Variants in SHOC1 observed in about 807,000 individuals in gnomAD.
The protein encoded by SHOC1 is shortage in chiasmata 1, also known as protein shortage in chiasmata 1 ortholog.
SHOC1 carries 136 observed loss-of-function variants against 179.2 expected under a neutral mutation model. The ratio of observed to expected loss-of-function variants is 0.76; its 90% CI spans 0.66 to 0.87. The LOEUF (loss-of-function observed/expected upper bound fraction) is 0.87. Ranked by LOEUF, SHOC1 falls within the 40% of genes least tolerant of loss-of-function variation. The pLI is 0.00. For missense variants in SHOC1, 1,538 were observed against 1,700.8 expected (o/e 0.90, Z 1.68); for synonymous variants, 489 against 586.6 (o/e 0.83, Z 2.41).
At chr9:111,740,628 G>A (rs1204321106) in intron 11 of SHOC1, among the ~76,000 whole-genome samples, 1 of 152,158 alleles carries the variant, frequency 6.6e-6, no homozygotes, top group African/African-American at 2.4e-5. Flanking sequence ...AGGCTGGAGT[G>A]CAGTGGTGAT....
At chr9:111,733,577 T>C (rs1041542587) in intron 12 of SHOC1, among the ~76,000 whole-genome samples, 13 of 152,174 alleles carry the variant, frequency 8.5e-5, no homozygotes, top group Middle Eastern at 3.2e-3. Context: ...ATTTTAAATG[T>C]TGGTAACTGG....
chr9:111,764,322 C>A (rs148844417), intron 5 of SHOC1, among the ~76,000 whole-genome samples: 1 of 152,242 alleles, frequency 6.6e-6, no homozygotes, highest in African/African-American at 2.4e-5. Context: ...GCTTAATTTA[C>A]AAATTAAAAT....
chr9:111,779,068 C>T (rs931331959), intron 4 of SHOC1, among the ~76,000 whole-genome samples: 8 of 146,000 alleles, frequency 5.5e-5, no homozygotes, highest in Non-Finnish European at 1.0e-4. Context: ...CACTGCACTC[C>T]AGCCTAGGCG....
intron 13 of SHOC1, among the ~76,000 whole-genome samples, chr9:111,724,357 T>A (rs549642280): frequency 2.0e-4 from 31 of 152,124 alleles, no homozygotes; most frequent in Non-Finnish European, 4.4e-5. Flanking sequence ...TTCTTTTTTT[T>A]AAGACAGTGT....
At chr9:111,698,722 A>C (rs937212417) in intron 24 of SHOC1, among the ~76,000 whole-genome samples, 12 of 152,222 alleles carry the variant, frequency 7.9e-5, no homozygotes, top group Non-Finnish European at 2.9e-5. Flanking sequence ...GAATCGGGGA[A>C]TAGTATTCCT....
intron 12 of SHOC1, among the ~76,000 whole-genome samples, chr9:111,733,812 G>A (rs190971061): frequency 6.6e-6 from 1 of 151,520 alleles, no homozygotes; most frequent in Non-Finnish European, 1.5e-5. Flanking sequence ...AGGTTGCAGT[G>A]AGCTGAGATC....
At chr9:111,702,513 T>C (rs1303338292) in intron 22 of SHOC1, among the ~76,000 whole-genome samples, 1 of 152,226 alleles carries the variant, frequency 6.6e-6, no homozygotes, top group Non-Finnish European at 1.5e-5. Flanking sequence ...TGGCACGCCA[T>C]AGGCTAGTCC....
intron 5 of SHOC1, among the ~76,000 whole-genome samples, chr9:111,768,153 G>A (rs1163274234): frequency 6.6e-6 from 1 of 151,554 alleles, no homozygotes; most frequent in Non-Finnish European, 1.5e-5. Context: ...ATTGTAAATG[G>A]CATTGATTTC....
At chr9:111,774,555 G>A (rs922324133) in intron 5 of SHOC1, among the ~76,000 whole-genome samples, 1 of 152,014 alleles carries the variant, frequency 6.6e-6, no homozygotes, top group Non-Finnish European at 1.5e-5. Flanking sequence ...CACTTTTTAC[G>A]AGTAGACTTG....
rs1836248167 is a variant in SHOC1 at position 111,786,040 on chromosome 9, G to A, written c.46-5C>T. The A allele has an allele frequency of 6.8e-7, 1 of 1,472,036 alleles. No individual in the cohort carries two copies. The highest frequency in any genetic ancestry group is 9.0e-7 in the Non-Finnish European group (1 of 1,114,160). The allele number at this position is 1,472,036 out of a possible 1,614,324, so 91.2% of individuals were successfully genotyped here. On this transcript the variant is annotated splice_region_variant and splice_polypyrimidine_tract_variant and intron_variant, in intron 2 of 27. Transcript: ENST00000682961. ...AAACTTCTTTCTAACCACATTCTGT[G>A]GAAGAAAGAAAGATTAGAAAATCTT...
In SHOC1 at chr9:111,759,461, T is replaced by C. The variant is rs1298354805; in HGVS notation, c.443-613A>G. 3.9e-6 allele frequency: 5 copies of C among 1,269,108 alleles called. No homozygotes were observed. In the African/African-American group the frequency reaches 7.6e-5, roughly 19 times the overall value. The allele number at this position is 1,269,108 out of a possible 1,614,324, so 78.6% of individuals were successfully genotyped here. On this transcript the variant is annotated intron_variant, in intron 5 of 27. Transcript: ENST00000682961. Reference sequence around the variant, plus strand: ...GAAACACTACTGCTAACAGTTAATTTCTGGAATAAATTTCTCCTCTCGGTC... The same window carrying C: ...GAAACACTACTGCTAACAGTTAATTCCTGGAATAAATTTCTCCTCTCGGTC...
chr9:111,729,689 T>A (rs1030439245), intron 12 of SHOC1, among the ~76,000 whole-genome samples: 8 of 152,032 alleles, frequency 5.3e-5, no homozygotes. Context: ...GGTCAAGAGA[T>A]CGAGACCATC....
At chr9:111,702,338 T>A (rs369234515) in intron 22 of SHOC1, 112 bp from the exon 23 acceptor site, 6 of 695,722 alleles carry the variant, frequency 8.6e-6, no homozygotes, top group South Asian at 3.7e-5. Flanking sequence ...AAAAGAGGCA[T>A]GGGTATGAGC....
rs565985469 is a variant in SHOC1 at position 111,774,117 on chromosome 9, A to G, written c.442+1674T>C. Among the ~76,000 whole-genome samples, 10 of 152,292 alleles carry G rather than the reference A, an allele frequency of 6.6e-5. 1 individual carries two copies. The South Asian group carries it at 1.9e-3, about 28-fold the overall frequency. On this transcript the variant is annotated intron_variant, in intron 5 of 27. Transcript: ENST00000682961. ...AGCCGACAGTAGCTTCTAGTTTGCCACATTTATACTACTATGTTTGTGTAA... is the reference window on the plus strand; with the variant it reads ...AGCCGACAGTAGCTTCTAGTTTGCCGCATTTATACTACTATGTTTGTGTAA...
At chr9:111,766,389 CT>C (rs1835360612) in intron 5 of SHOC1, among the ~76,000 whole-genome samples, 2 of 152,160 alleles carry the variant, frequency 1.3e-5, no homozygotes, top group South Asian at 4.2e-4. Flanking sequence ...ATATAATTTC[CT>C]TTCTTTTCCA....
chr9:111,780,876 A>G, intron 4 of SHOC1, 54 bp downstream of exon 4: 1 of 1,228,014 alleles, frequency 8.1e-7, no homozygotes, highest in South Asian at 1.3e-5. Flanking sequence ...TGGAGAACTT[A>G]CTGTTTATCT....
intron 23 of SHOC1, among the ~76,000 whole-genome samples, chr9:111,700,768 A>G (rs1831936048): frequency 6.6e-6 from 1 of 152,176 alleles, no homozygotes; most frequent in Non-Finnish European, 1.5e-5. Flanking sequence ...TTGACAAACA[A>G]TGTAGTTTCT....
intron 14 of SHOC1, 46 bp downstream of exon 14, chr9:111,723,746 T>A (rs752507543): frequency 6.3e-7 from 1 of 1,589,188 alleles, no homozygotes; most frequent in South Asian, 1.1e-5. Flanking sequence ...GAAAGGACTT[T>A]CAAACTAAGC....
At chr9:111,700,350 A>G (rs1831911736) in intron 23 of SHOC1, among the ~76,000 whole-genome samples, 1 of 149,964 alleles carries the variant, frequency 6.7e-6, no homozygotes, top group South Asian at 2.1e-4. Context: ...ACCAAATCCT[A>G]GCCAACTAGA....
Sources: gnomAD v4.1 joint callset for allele counts (sites outside exome capture counted in the v4.1 genomes callset) on GRCh38, gnomAD v4.1.1 for gene constraint, MANE v1.5 for transcripts, NCBI Gene and HGNC (gene_info 2026-07-23, HGNC 2026-07-21) for gene names.